The following ARMC9 variants were observed in gnomAD, a reference collection of about 807,000 sequenced individuals.
The protein encoded by ARMC9 is lisH domain-containing protein ARMC9.
In ARMC9, 94 loss-of-function variants were observed where a neutral mutation model predicts 107.0. The ratio of observed to expected loss-of-function variants is 0.88; its 90% CI spans 0.74 to 1.04. ARMC9 has a LOEUF of 1.04. ARMC9 is among the 50% of genes least tolerant of loss of function. ARMC9 has a pLI of 0.00. For synonymous variants in ARMC9, 380 were observed against 396.9 expected (o/e 0.96, Z 0.51); for missense variants, 942 against 1,030.1 (o/e 0.91, Z 1.17).
intron 9 of ARMC9, among the ~76,000 whole-genome samples, chr2:231,242,484 C>T (rs1387767234): frequency 6.6e-6 from 1 of 152,124 alleles, no homozygotes; most frequent in Non-Finnish European, 1.5e-5. Context: ...ATATGCAAGT[C>T]TTAGAAAAGT....
intron 19 of ARMC9, among the ~76,000 whole-genome samples, chr2:231,304,203 C>T (rs1401142942): frequency 6.6e-6 from 1 of 152,264 alleles, no homozygotes; most frequent in African/African-American, 2.4e-5. Context: ...GCACTCCAGC[C>T]TGGCAACAGA....
chr2:231,343,315 C>A (rs1050584443), intron 20 of ARMC9, among the ~76,000 whole-genome samples: 1 of 150,768 alleles, frequency 6.6e-6, no homozygotes, highest in Non-Finnish European at 1.5e-5. Context: ...TTTTTTCTTC[C>A]TCTCCCTGCC....
rs1353121816 is a variant in ARMC9, at chr2:231,297,918, G to A, written c.1773+1665G>A. Among the ~76,000 whole-genome samples, 1 of 151,788 alleles carries A rather than the reference G, an allele frequency of 6.6e-6. No homozygotes were observed. The highest frequency in any genetic ancestry group is 1.9e-4 in the East Asian group (1 of 5,188). On this transcript the variant is annotated intron_variant, in intron 19 of 24. Coordinates refer to ENST00000611582, the MANE Select transcript of ARMC9 (RefSeq NM_001352754.2). This position sits in a 1 kb window ranked among gnomAD's most constrained non-coding sequence, Gnocchi z 4.2. The stretch of plus-strand genomic sequence containing the variant: ...ATCATCCCTTTGGGTTTTTCGGTTT[G>A]CTTTGGTTTTTCATTTTGCTTTGTT...
intron 10 of ARMC9, among the ~76,000 whole-genome samples, chr2:231,258,322 C>T (rs2038025433): frequency 6.6e-6 from 1 of 152,134 alleles, no homozygotes; most frequent in Admixed American, 6.5e-5. Flanking sequence ...GCTGGGACTA[C>T]AGGCGCGTGT....
intron 17 of ARMC9, among the ~76,000 whole-genome samples, chr2:231,286,982 G>C (rs577388683): frequency 2.0e-5 from 3 of 152,188 alleles, no homozygotes; most frequent in African/African-American, 7.2e-5. Context: ...GGCCTCCTGC[G>C]ACTAGGGCTG....
intron 23 of ARMC9, among the ~76,000 whole-genome samples, chr2:231,366,549 T>A (rs2045823493): frequency 6.6e-6 from 1 of 151,908 alleles, no homozygotes; most frequent in African/African-American, 2.4e-5. Context: ...AATAATAAAA[T>A]TTTAAAAATT....
intron 20 of ARMC9, among the ~76,000 whole-genome samples, chr2:231,344,094 C>T (rs1312770915): frequency 6.6e-6 from 1 of 152,110 alleles, no homozygotes; most frequent in African/African-American, 2.4e-5. Context: ...CAGTTTTACT[C>T]TATAATAACT....
intron 17 of ARMC9, among the ~76,000 whole-genome samples, chr2:231,284,795 CCA>C (rs2040464685): frequency 1.3e-5 from 2 of 152,278 alleles, no homozygotes; most frequent in South Asian, 4.1e-4. Flanking sequence ...GGGCTGGCTG[CCA>C]CACACTCCTA....
chr2:231,230,647 C>T (rs1172538462), intron 7 of ARMC9, among the ~76,000 whole-genome samples: 2 of 152,152 alleles, frequency 1.3e-5, no homozygotes, highest in Non-Finnish European at 2.9e-5. Context: ...CCACAGATAA[C>T]TAAAATCAAC....
chr2:231,287,126 G>A (rs184267421), intron 17 of ARMC9, among the ~76,000 whole-genome samples: 42 of 152,318 alleles, frequency 2.8e-4, no homozygotes, highest in Non-Finnish European at 5.6e-4. Flanking sequence ...GGGCTTAGAA[G>A]CCACTCAGCC....
intron 7 of ARMC9, 82 bp from the exon 8 acceptor site, chr2:231,235,142 A>G (rs543058207): frequency 2.8e-6 from 4 of 1,412,030 alleles, no homozygotes; most frequent in Admixed American, 2.2e-5. Context: ...GGCAATAAGT[A>G]TGGTAGTTCT....
chr2:231,267,334 A>C (rs935538388), intron 12 of ARMC9, among the ~76,000 whole-genome samples: 3 of 151,982 alleles, frequency 2.0e-5, no homozygotes, highest in African/African-American at 7.3e-5. Flanking sequence ...GGGTTCAAGC[A>C]GTTCTCCCGC....
intron 19 of ARMC9, among the ~76,000 whole-genome samples, chr2:231,316,160 ATGTGTGTGTGTGTG>A (rs141395956): frequency 6.1e-5 from 9 of 147,628 alleles, no homozygotes; most frequent in African/African-American, 1.7e-4. Context: ...GTGTGTATGT[ATGTGTGTGTGTGTG>A]TGTGTGTGTG....
chr2:231,301,756 A>C (rs559810914), intron 19 of ARMC9, among the ~76,000 whole-genome samples: 1 of 152,314 alleles, frequency 6.6e-6, no homozygotes, highest in Non-Finnish European at 1.5e-5. Context: ...AAACAGGCAC[A>C]TCACCTGAGG....
rs560619571 is a variant in ARMC9 at position 231,304,418 on chromosome 2, G to A, written c.1773+8165G>A. On this transcript the variant is annotated intron_variant, in intron 19 of 24. Coordinates refer to ENST00000611582, the MANE Select transcript of ARMC9 (RefSeq NM_001352754.2). ...TCCAAATTTTTTGTTTGTTTGAGAC[G>A]AAGTCTCACTCTATCGCCCAGGCTG... Among the ~76,000 whole-genome samples the A allele has an allele frequency of 1.4e-4, 21 of 152,228 alleles. 1 individual carries two copies. In the South Asian group the frequency reaches 2.7e-3, roughly 20 times the overall value.
chr2:231,342,734 GC>G (rs575480268), intron 20 of ARMC9, among the ~76,000 whole-genome samples: 450 of 152,248 alleles, frequency 3.0e-3, no homozygotes, highest in African/African-American at 0.01. Flanking sequence ...AAAATATCCT[GC>G]CTTGGTAGAT....
chr2:231,331,811 G>A lies in ARMC9; in HGVS notation c.1792G>A (p.Glu598Lys), dbSNP rs763585427. 6.2e-7 allele frequency: 1 copy of A among 1,613,980 alleles called. No individual in the cohort carries two copies. The highest frequency in any genetic ancestry group is 1.1e-5 in the South Asian group (1 of 91,058). The change falls in exon 20 of 25, where the codon GAA (glutamate) becomes AAA (lysine). Residue 598 changes from glutamate to lysine, a missense_variant. By Grantham distance (56) the Glu-to-Lys change is moderately conservative (BLOSUM62 1). Coordinates refer to ENST00000611582, the MANE Select transcript of ARMC9 (RefSeq NM_001352754.2). ...GAAACAGGAGGACCATGACATCATG[G>A]AAGCCGATCTGGACAAAGACGAACT... is the stretch of plus-strand genomic sequence containing the variant. ...EDDEEDHDIM[E>K]ADLDKDELIQ... is the part of the protein sequence containing the mutation.
At position 231,370,904 on chromosome 2, in the gene ARMC9, G is replaced by A. The variant is rs369568425; in HGVS notation, c.2435-609G>A. On this transcript the variant is annotated intron_variant, in intron 24 of 24. Transcript: ENST00000611582. ...TTAGGATATGCGCATTTCTTTGGCC[G>A]CCCCCAGCCCGCCCCACCCTACTAC... 1.5e-3 allele frequency: 514 copies of A among 333,956 alleles called. 3 individuals are homozygous for A. The highest frequency in any genetic ancestry group is 0.01 in the African/African-American group (480 of 46,074). 20.7% of individuals were successfully genotyped at this position (333,956 alleles called of 1,614,324 possible). A position where few individuals can be genotyped will look rare whatever the true frequency, so the allele number is the denominator to read the frequency against.
intron 19 of ARMC9, among the ~76,000 whole-genome samples, chr2:231,318,316 G>A (rs192947938): frequency 6.6e-6 from 1 of 152,210 alleles, no homozygotes; most frequent in Admixed American, 6.5e-5. Flanking sequence ...GATGCCTGAA[G>A]CCAGTAAGGT....
Sources: allele counts gnomAD v4.1 joint callset (sites outside exome capture counted in the v4.1 genomes callset), GRCh38; gene constraint gnomAD v4.1.1; non-coding constraint Gnocchi (gnomAD v3.1); transcripts MANE v1.5; gene names NCBI Gene and HGNC (gene_info 2026-07-23, HGNC 2026-07-21).